Variants in LOC128462377 observed in about 807,000 individuals in gnomAD.
chr16:89,400,070 C>T, the LOC128462377 span, among the ~76,000 whole-genome samples: 14 of 51,636 alleles, frequency 2.7e-4, 1 homozygote, highest in African/African-American at 3.4e-4. Context: ...CGCTGGGGGC[C>T]GGTCATCTGC....
At chr16:89,409,377 G>A in the LOC128462377 span, among the ~76,000 whole-genome samples, 1 of 152,232 alleles carries the variant, frequency 6.6e-6, no homozygotes, top group Non-Finnish European at 1.5e-5. Context: ...GGGGTGGGAA[G>A]GCGGTCCCCA....
the LOC128462377 span, among the ~76,000 whole-genome samples, chr16:89,342,708 C>A: frequency 2.0e-5 from 3 of 152,148 alleles, no homozygotes; most frequent in Admixed American, 6.5e-5. Flanking sequence ...TATTTATGGG[C>A]CCTACAGAAT....
chr16:89,367,307 A>C, the LOC128462377 span, among the ~76,000 whole-genome samples: 1 of 152,230 alleles, frequency 6.6e-6, no homozygotes, highest in African/African-American at 2.4e-5. Flanking sequence ...CTGGCCCAGC[A>C]GTACCGGGAG....
At chr16:89,324,305 G>C in the LOC128462377 span, 1 of 1,271,836 alleles carries the variant, frequency 7.9e-7, no homozygotes, top group African/African-American at 1.5e-5. Context: ...CCACCCGACA[G>C]GAGCACGGAC....
At chr16:89,391,712 T>C in the LOC128462377 span, among the ~76,000 whole-genome samples, 1 of 152,162 alleles carries the variant, frequency 6.6e-6, no homozygotes, top group East Asian at 1.9e-4. Context: ...TGACAGAGAA[T>C]CAGTAAGCAC....
At chr16:89,326,030 G>C in the LOC128462377 span, among the ~76,000 whole-genome samples, 3 of 152,232 alleles carry the variant, frequency 2.0e-5, no homozygotes, top group African/African-American at 7.2e-5. Flanking sequence ...CTGACAAGGA[G>C]ACACACAGCT....
chr16:89,368,371 GTTTTTTTTT>G, the LOC128462377 span, among the ~76,000 whole-genome samples: 4 of 56,610 alleles, frequency 7.1e-5, no homozygotes, highest in Non-Finnish European at 1.5e-4. Flanking sequence ...TAATTTTTGT[GTTTTTTTTT>G]TTTTTTTTTT....
chr16:89,361,910 C>G, the LOC128462377 span, among the ~76,000 whole-genome samples: 1 of 152,196 alleles, frequency 6.6e-6, no homozygotes, highest in Non-Finnish European at 1.5e-5. Flanking sequence ...CAGTAAAGGT[C>G]AGACGGGGCA....
At chr16:89,359,037 G>A in the LOC128462377 span, among the ~76,000 whole-genome samples, 7 of 152,032 alleles carry the variant, frequency 4.6e-5, no homozygotes, top group African/African-American at 1.4e-4. Flanking sequence ...TCTTATATAT[G>A]TCTAAATCGT....
chr16:89,375,596 G>A, the LOC128462377 span, among the ~76,000 whole-genome samples: 5 of 151,864 alleles, frequency 3.3e-5, no homozygotes, highest in African/African-American at 9.7e-5. Context: ...AGTGATTACA[G>A]GCGCCCGCCA....
chr16:89,409,412 G>A, the LOC128462377 span, among the ~76,000 whole-genome samples: 1 of 152,344 alleles, frequency 6.6e-6, no homozygotes, highest in South Asian at 2.1e-4. Flanking sequence ...TTCCTCCGTG[G>A]GTTGCAGCCA....
At chr16:89,395,518 G>A in the LOC128462377 span, among the ~76,000 whole-genome samples, 2 of 152,216 alleles carry the variant, frequency 1.3e-5, no homozygotes, top group African/African-American at 4.8e-5. Context: ...CCACCCGAAC[G>A]GGGAACCGAA....
chr16:89,351,661 T>C, the LOC128462377 span, among the ~76,000 whole-genome samples: 1 of 152,118 alleles, frequency 6.6e-6, no homozygotes, highest in Non-Finnish European at 1.5e-5. Flanking sequence ...TGGGCGCAGG[T>C]TCGTGTCATG....
chr16:89,329,502 C>T, the LOC128462377 span, among the ~76,000 whole-genome samples: 2 of 152,042 alleles, frequency 1.3e-5, no homozygotes, highest in African/African-American at 2.4e-5. Context: ...TATACGTTTC[C>T]CAAAACCCAC....
the LOC128462377 span, among the ~76,000 whole-genome samples, chr16:89,406,105 A>G: frequency 7.0e-6 from 1 of 142,874 alleles, no homozygotes; most frequent in Non-Finnish European, 1.5e-5. Context: ...GGGAGATTCC[A>G]TCTCAAAAAA....
At chr16:89,381,025 A>T in the LOC128462377 span, among the ~76,000 whole-genome samples, 12 of 152,214 alleles carry the variant, frequency 7.9e-5, no homozygotes, top group African/African-American at 2.6e-4. Flanking sequence ...TCGATCCAAA[A>T]AGGGATGAGA....
the LOC128462377 span, among the ~76,000 whole-genome samples, chr16:89,351,886 C>T: frequency 4.6e-5 from 7 of 152,186 alleles, no homozygotes; most frequent in East Asian, 1.9e-4. Context: ...GGTAAGCCTA[C>T]GGTCTGTCAA....
At chr16:89,412,887 G>A in the LOC128462377 span, among the ~76,000 whole-genome samples, 2 of 152,166 alleles carry the variant, frequency 1.3e-5, no homozygotes, top group African/African-American at 4.8e-5. Flanking sequence ...CAGGTCAGCA[G>A]AGGACAGAGG....
chr16:89,334,141 T>TC, the LOC128462377 span, among the ~76,000 whole-genome samples: 72,442 of 115,166 alleles, frequency 0.63, 23,524 homozygotes, highest in Middle Eastern at 0.73. Context: ...AAACCCTGTG[T>TC]TTTAAAAAAA....
Sources: allele counts gnomAD v4.1 joint callset (sites outside exome capture counted in the v4.1 genomes callset), GRCh38; gene constraint gnomAD v4.1.1; transcripts MANE v1.5.